Variants in CTNNA2 observed in about 807,000 individuals in gnomAD.
CTNNA2 encodes the protein catenin alpha 2.
CTNNA2 carries 42 observed loss-of-function variants against 101.0 expected under a neutral mutation model. The observed-to-expected ratio is 0.42, with a 90% CI of 0.32 to 0.54. The LOEUF is 0.54. CTNNA2 is among the 20% of genes least tolerant of loss of function. CTNNA2 has a pLI of 0.14. For missense variants in CTNNA2, 871 were observed against 1,223.1 expected, an observed-to-expected ratio of 0.71 and a Z score of 4.29; for synonymous variants, 450 against 456.4, an observed-to-expected ratio of 0.99 and a Z score of 0.18.
chr2:79,804,193 G>C (rs1043653249), intron 3 of CTNNA2, among the ~76,000 whole-genome samples: 1 of 152,066 alleles, frequency 6.6e-6, no homozygotes, highest in African/African-American at 2.4e-5. Flanking sequence ...GCACATTTTT[G>C]TATTTATCAT....
chr2:80,069,107 T>G (rs6723537), intron 7 of CTNNA2, among the ~76,000 whole-genome samples: 128,173 of 151,692 alleles, frequency 0.84, 54,949 homozygotes, highest in African/African-American at 0.96. Flanking sequence ...CTGAAAAGCA[T>G]TAGCTCCAAT....
intron 2 of CTNNA2, among the ~76,000 whole-genome samples, chr2:79,227,403 G>A (rs1014329783): frequency 6.6e-6 from 1 of 152,128 alleles, no homozygotes; most frequent in East Asian, 1.9e-4. Context: ...ATGCAATGGC[G>A]ATATTCATTT....
intron 7 of CTNNA2, among the ~76,000 whole-genome samples, chr2:80,278,554 G>A (rs963172657): frequency 9.2e-5 from 14 of 152,056 alleles, no homozygotes; most frequent in African/African-American, 3.4e-4. Flanking sequence ...CAGCCAGAAG[G>A]CATATCCTGC....
chr2:80,396,681 C>T (rs1247928508), intron 8 of CTNNA2, among the ~76,000 whole-genome samples: 1 of 152,190 alleles, frequency 6.6e-6, no homozygotes, highest in Non-Finnish European at 1.5e-5. Context: ...TATTTTTGTA[C>T]TTTTATTAGT....
intron 1 of CTNNA2, among the ~76,000 whole-genome samples, chr2:79,563,161 G>GTATATATATATATATATATA (rs71385287): frequency 6.4e-5 from 5 of 78,616 alleles, no homozygotes; most frequent in African/African-American, 2.4e-4. Flanking sequence ...ATAAAGATGT[G>GTATATATATATATATATATA]TATATATATA....
chr2:79,689,600 T>C (rs1450580723), intron 2 of CTNNA2, among the ~76,000 whole-genome samples: 1 of 151,628 alleles, frequency 6.6e-6, no homozygotes, highest in Non-Finnish European at 1.5e-5. Context: ...TATGCAAAAA[T>C]ATATAATGGC....
chr2:79,556,122 G>T (rs78801623), intron 1 of CTNNA2, among the ~76,000 whole-genome samples: 1 of 151,944 alleles, frequency 6.6e-6, no homozygotes, highest in South Asian at 2.1e-4. Flanking sequence ...TGAAGATTCT[G>T]CTGACTCATT....
At chr2:79,755,035 A>G (rs756558222) in intron 3 of CTNNA2, among the ~76,000 whole-genome samples, 2 of 130,876 alleles carry the variant, frequency 1.5e-5, no homozygotes, top group Non-Finnish European at 3.4e-5. Flanking sequence ...TTAAAATGAT[A>G]CTATTCACAG....
intron 2 of CTNNA2, among the ~76,000 whole-genome samples, chr2:79,740,893 A>T (rs1295062782): frequency 1.3e-5 from 2 of 152,076 alleles, no homozygotes; most frequent in African/African-American, 4.8e-5. Flanking sequence ...AAATAACAAG[A>T]TAGAACTGAA....
At chr2:79,312,405 G>A (rs998768322) in intron 2 of CTNNA2, among the ~76,000 whole-genome samples, 3 of 152,074 alleles carry the variant, frequency 2.0e-5, no homozygotes, top group Non-Finnish European at 2.9e-5. Context: ...TTCATAGTGT[G>A]TATACTCTGT....
chr2:79,625,634 C>T (rs751976669), intron 1 of CTNNA2, among the ~76,000 whole-genome samples: 1 of 152,108 alleles, frequency 6.6e-6, no homozygotes, highest in Non-Finnish European at 1.5e-5. Context: ...GGTGTGTTTA[C>T]ATGCTGAGGA....
At chr2:79,543,792 C>T (rs1428051297) in intron 1 of CTNNA2, among the ~76,000 whole-genome samples, 2 of 152,024 alleles carry the variant, frequency 1.3e-5, no homozygotes, top group African/African-American at 4.8e-5. Flanking sequence ...TATCATGATA[C>T]CAAAATTTCA....
At chr2:80,529,378 TA>T (rs1690325034) in intron 9 of CTNNA2, among the ~76,000 whole-genome samples, 1 of 152,192 alleles carries the variant, frequency 6.6e-6, no homozygotes, top group Admixed American at 6.5e-5. Context: ...AATGGAAAAG[TA>T]TATCTATGTG....
intron 1 of CTNNA2, among the ~76,000 whole-genome samples, chr2:79,571,163 T>G (rs1158496837): frequency 6.6e-6 from 1 of 152,188 alleles, no homozygotes; most frequent in African/African-American, 2.4e-5. Context: ...TGGCTTAAAT[T>G]ATTTCAACAT....
intron 7 of CTNNA2, among the ~76,000 whole-genome samples, chr2:80,094,935 C>A (rs1302432981): frequency 1.3e-5 from 2 of 152,210 alleles, no homozygotes; most frequent in African/African-American, 2.4e-5. Context: ...GATATACAAT[C>A]ATGTCATCTG....
intron 3 of CTNNA2, among the ~76,000 whole-genome samples, chr2:79,325,085 TTAAGA>T (rs1256130011): frequency 6.6e-6 from 1 of 152,030 alleles, no homozygotes; most frequent in African/African-American, 2.4e-5. Flanking sequence ...TATTGGAAGA[TTAAGA>T]TAAGAGATAG....
intron 7 of CTNNA2, among the ~76,000 whole-genome samples, chr2:79,978,582 C>T (rs984279084): frequency 6.6e-6 from 1 of 152,040 alleles, no homozygotes; most frequent in Non-Finnish European, 1.5e-5. Flanking sequence ...ATAGACAATC[C>T]ATTGTTACCA....
chr2:80,216,826 C>G (rs1309026916), intron 7 of CTNNA2, among the ~76,000 whole-genome samples: 1 of 147,298 alleles, frequency 6.8e-6, no homozygotes, highest in African/African-American at 2.6e-5. Context: ...CTGACTTAGC[C>G]TAAGCTATTT....
At chr2:80,223,614 G>A (rs1038521855) in intron 7 of CTNNA2, among the ~76,000 whole-genome samples, 3 of 152,156 alleles carry the variant, frequency 2.0e-5, no homozygotes, top group African/African-American at 7.2e-5. Flanking sequence ...TCCTTAAACA[G>A]CCATATCACA....
Sources: gnomAD v4.1 joint callset for allele counts (sites outside exome capture counted in the v4.1 genomes callset) on GRCh38, gnomAD v4.1.1 for gene constraint, MANE v1.5 for transcripts, NCBI Gene and HGNC (gene_info 2026-07-23, HGNC 2026-07-21) for gene names.